Variants in IL1RAPL2 observed in about 807,000 individuals in gnomAD.
The protein encoded by IL1RAPL2 is interleukin 1 receptor accessory protein like 2.
Under a neutral mutation model 44.1 loss-of-function variants are expected in IL1RAPL2, and 3 were observed. The observed-to-expected ratio is 0.07, with a 90% CI of 0.03 to 0.18. The LOEUF (loss-of-function observed/expected upper bound fraction) is 0.18, where lower values mean the gene tolerates loss of function less well. IL1RAPL2 is among the 10% of genes least tolerant of loss of function. The probability of loss-of-function intolerance (pLI) is 1.00; values close to 1 mark genes in which losing one functional copy is unlikely to be tolerated. For synonymous variants in IL1RAPL2, 181 were observed against 178.8 expected, an observed-to-expected ratio of 1.01 and a Z score of -0.10; for missense variants, 391 against 496.4, an observed-to-expected ratio of 0.79 and a Z score of 2.02.
At chrX:104,568,998 A>G (rs1928094745) in intron 1 of IL1RAPL2, among the ~76,000 whole-genome samples, 1 of 112,061 alleles carries the variant, frequency 8.9e-6, no homozygotes, top group African/African-American at 3.2e-5. Flanking sequence ...TGATTTAAAT[A>G]GCGTTTAAAT....
At chrX:105,642,688 A>G (rs778519653) in intron 6 of IL1RAPL2, among the ~76,000 whole-genome samples, 6 of 112,423 alleles carry the variant, frequency 5.3e-5, no homozygotes, top group Non-Finnish European at 7.5e-5. Context: ...CTGTTAAGCA[A>G]TCAGTGAATC....
intron 6 of IL1RAPL2, among the ~76,000 whole-genome samples, chrX:105,640,699 CATAT>C (rs1418073088): frequency 1.1e-5 from 1 of 87,099 alleles, no homozygotes; most frequent in Non-Finnish European, 2.3e-5. Flanking sequence ...TATACACACA[CATAT>C]ACATATATAT....
At chrX:105,184,132 GC>G (rs1471048296) in intron 2 of IL1RAPL2, among the ~76,000 whole-genome samples, 1 of 111,757 alleles carries the variant, frequency 8.9e-6, no homozygotes, top group Non-Finnish European at 1.9e-5. Flanking sequence ...CAGGCTTCCA[GC>G]CTATCCTAGC....
chrX:104,897,505 G>A (rs998698071), intron 2 of IL1RAPL2, among the ~76,000 whole-genome samples: 1 of 112,052 alleles, frequency 8.9e-6, no homozygotes, highest in Non-Finnish European at 1.9e-5. Flanking sequence ...TGGTCAAAAT[G>A]CTCACAGAGT....
At chrX:104,577,298 G>A (rs1022472006) in intron 1 of IL1RAPL2, among the ~76,000 whole-genome samples, 85 of 111,918 alleles carry the variant, frequency 7.6e-4, no homozygotes, top group Non-Finnish European at 9.4e-4. Flanking sequence ...AATAAATGCA[G>A]AAGAATATTT....
At chrX:104,607,048 C>G (rs1000624215) in intron 1 of IL1RAPL2, among the ~76,000 whole-genome samples, 29 of 111,585 alleles carry the variant, frequency 2.6e-4, no homozygotes, top group African/African-American at 7.2e-4. Flanking sequence ...GACCTATAGA[C>G]CAATGGAACA....
chrX:104,693,918 G>A (rs1219866953), intron 2 of IL1RAPL2, among the ~76,000 whole-genome samples: 3 of 111,584 alleles, frequency 2.7e-5, no homozygotes, highest in Non-Finnish European at 5.6e-5. Flanking sequence ...AATGCAGACC[G>A]TAATAGCTCA....
intron 2 of IL1RAPL2, among the ~76,000 whole-genome samples, chrX:104,768,573 G>C (rs766765000): frequency 9.0e-6 from 1 of 111,338 alleles, no homozygotes; most frequent in African/African-American, 3.3e-5. Flanking sequence ...GGTGGCATTT[G>C]GAATTCCGTT....
At chrX:105,547,749 A>C (rs1397927817) in intron 6 of IL1RAPL2, among the ~76,000 whole-genome samples, 2 of 112,416 alleles carry the variant, frequency 1.8e-5, no homozygotes, top group Admixed American at 1.9e-4. Flanking sequence ...AGAGAGGGCA[A>C]GTTTCAATGT....
chrX:104,878,427 A>C lies in IL1RAPL2; in HGVS notation c.82+219432A>C, dbSNP rs746095911. 2.0e-4 allele frequency among the ~76,000 whole-genome samples: 23 copies of C among 112,255 alleles called. No homozygotes were observed. The Admixed American group carries it at 2.1e-3, about 10-fold the overall frequency. On this transcript the variant is annotated intron_variant, in intron 2 of 10. Coordinates refer to ENST00000372582, the MANE Select transcript of IL1RAPL2 (RefSeq NM_017416.2). Reference sequence around the variant, plus strand: ...CCAATAAGGTATGTATTCTTATTCTACACATTTCAAAGATACAGAAACTGA... The same window carrying C: ...CCAATAAGGTATGTATTCTTATTCTCCACATTTCAAAGATACAGAAACTGA...
chrX:105,673,042 T>C (rs754522867), intron 6 of IL1RAPL2, among the ~76,000 whole-genome samples: 1 of 111,640 alleles, frequency 9.0e-6, no homozygotes, highest in South Asian at 3.8e-4. Context: ...TTCTTCTCCC[T>C]GTTTTTCAGC....
chrX:105,708,269 T>C (rs111315692), intron 6 of IL1RAPL2, among the ~76,000 whole-genome samples: 6,863 of 111,343 alleles, frequency 0.062, 527 homozygotes, highest in African/African-American at 0.21. Context: ...ATGTTAAAAC[T>C]ACAGACACAT....
chrX:105,719,293 A>G (rs2038282818), intron 7 of IL1RAPL2, among the ~76,000 whole-genome samples: 1 of 111,887 alleles, frequency 8.9e-6, no homozygotes, highest in African/African-American at 3.2e-5. Flanking sequence ...AAACAAAAAA[A>G]ACACATACTA....
intron 2 of IL1RAPL2, among the ~76,000 whole-genome samples, chrX:104,968,424 C>T (rs2030167639): frequency 9.0e-6 from 1 of 111,674 alleles, no homozygotes; most frequent in African/African-American, 3.2e-5. Context: ...TAATCTGTTG[C>T]AATCATCATG....
At chrX:104,755,017 C>A (rs750200020) in intron 2 of IL1RAPL2, among the ~76,000 whole-genome samples, 69 of 111,640 alleles carry the variant, frequency 6.2e-4, no homozygotes, top group Non-Finnish European at 1.1e-3. Flanking sequence ...GAAACCAGGA[C>A]ACAATCTATA....
At chrX:104,657,551 A>G (rs2148022895) in intron 1 of IL1RAPL2, among the ~76,000 whole-genome samples, 1 of 112,043 alleles carries the variant, frequency 8.9e-6, no homozygotes, top group African/African-American at 3.2e-5. Context: ...ACCATTCAGA[A>G]CACAGGCATG....
At chrX:105,111,939 T>C (rs1347479434) in intron 2 of IL1RAPL2, among the ~76,000 whole-genome samples, 1 of 112,071 alleles carries the variant, frequency 8.9e-6, no homozygotes, top group East Asian at 2.8e-4. Context: ...GACAATAATG[T>C]TATTTAACTA....
chrX:105,313,930 T>C (rs1226303446), intron 5 of IL1RAPL2, among the ~76,000 whole-genome samples: 1 of 111,693 alleles, frequency 9.0e-6, no homozygotes, highest in Non-Finnish European at 1.9e-5. Context: ...TAGAAAACCC[T>C]ATGGCAGTGG....
At chrX:105,469,634 A>T (rs1351396547) in intron 5 of IL1RAPL2, among the ~76,000 whole-genome samples, 3 of 110,444 alleles carry the variant, frequency 2.7e-5, no homozygotes, top group African/African-American at 9.8e-5. Flanking sequence ...ATGACTGTCT[A>T]AGACTAAGTA....
Sources: gnomAD v4.1 joint callset for allele counts (sites outside exome capture counted in the v4.1 genomes callset) on GRCh38, gnomAD v4.1.1 for gene constraint, MANE v1.5 for transcripts, NCBI Gene and HGNC (gene_info 2026-07-23, HGNC 2026-07-21) for gene names.